DCC: variants seen among roughly 807,000 people sequenced by gnomAD.
DCC encodes DCC netrin 1 receptor.
DCC carries 58 observed loss-of-function variants against 172.5 expected under a neutral mutation model. That is an observed-to-expected ratio of 0.34 (90% confidence interval 0.27 to 0.42). DCC has a LOEUF of 0.42. DCC is among the 10% of genes least tolerant of loss of function. The pLI is 1.00. For synonymous variants in DCC, 709 were observed against 644.5 expected (o/e 1.10, Z -1.52); for missense variants, 1,740 against 1,791.0 (o/e 0.97, Z 0.51).
chr18:53,344,827 G>A (rs1386395043), intron 15 of DCC, among the ~76,000 whole-genome samples: 1 of 151,104 alleles, frequency 6.6e-6, no homozygotes, highest in Admixed American at 6.6e-5. Context: ...TGAGGTTGCA[G>A]TGAGCCAAGA....
chr18:53,237,787 T>C (rs2056228301), intron 12 of DCC, among the ~76,000 whole-genome samples: 1 of 152,158 alleles, frequency 6.6e-6, no homozygotes, highest in Non-Finnish European at 1.5e-5. Flanking sequence ...AAAAATAACA[T>C]TTATTTCATC....
intron 2 of DCC, among the ~76,000 whole-genome samples, chr18:52,790,740 A>G (rs1464843750): frequency 6.6e-6 from 1 of 152,078 alleles, no homozygotes; most frequent in Non-Finnish European, 1.5e-5. Context: ...TGCCTGTTAT[A>G]GGAGACATAT....
chr18:52,859,555 A>G (rs1658199436), intron 2 of DCC, among the ~76,000 whole-genome samples: 1 of 152,170 alleles, frequency 6.6e-6, no homozygotes, highest in African/African-American at 2.4e-5. Context: ...GGATAGCAAA[A>G]GGTCTTGTTT....
At chr18:52,662,477 T>C (rs2035377247) in intron 1 of DCC, among the ~76,000 whole-genome samples, 1 of 131,606 alleles carries the variant, frequency 7.6e-6, no homozygotes, top group Admixed American at 9.5e-5. Context: ...GAAAAATACA[T>C]CAGGGACACA....
In DCC at chr18:52,906,235, C is replaced by A. The variant is rs1447900221; in HGVS notation, c.604C>A (p.Leu202Ile). 2 of 1,613,936 alleles carry A rather than the reference C, an allele frequency of 1.2e-6. No homozygotes were observed. The highest frequency in any genetic ancestry group is 2.7e-5 in the African/African-American group (2 of 74,910). Residue 202 changes from leucine to isoleucine, a missense_variant, in exon 3 of 29, where the codon CTC (leucine) becomes ATC (isoleucine). Transcript: ENST00000442544. ...CTCTGGAGCATTGCAGATCAGCCGA[C>A]TCCAACCGGGGGACATTGGAATTTA... ...LPSGALQISR[L>I]QPGDIGIYRC...
At chr18:52,516,543 C>A (rs978763320) in intron 1 of DCC, among the ~76,000 whole-genome samples, 1 of 152,142 alleles carries the variant, frequency 6.6e-6, no homozygotes, top group African/African-American at 2.4e-5. Flanking sequence ...TTTCTTACAA[C>A]TGCATGTGAA....
At chr18:53,048,586 T>TAC (rs1241818209) in intron 5 of DCC, among the ~76,000 whole-genome samples, 2 of 150,794 alleles carry the variant, frequency 1.3e-5, no homozygotes, top group East Asian at 3.9e-4. Context: ...TGTATATATA[T>TAC]ACGTATATAC....
intron 7 of DCC, among the ~76,000 whole-genome samples, chr18:53,112,709 C>A (rs1339400746): frequency 4.6e-5 from 7 of 151,350 alleles, no homozygotes; most frequent in Admixed American, 3.3e-4. Context: ...ATTTTACTTC[C>A]CACCATAGAT....
intron 2 of DCC, among the ~76,000 whole-genome samples, chr18:52,881,065 G>A (rs955371153): frequency 6.6e-6 from 1 of 152,054 alleles, no homozygotes; most frequent in Non-Finnish European, 1.5e-5. Flanking sequence ...ACTGAGGAGA[G>A]ATGATATCTC....
At chr18:53,128,870 C>CATATATATATATAT (rs367907467) in intron 7 of DCC, among the ~76,000 whole-genome samples, 27 of 77,444 alleles carry the variant, frequency 3.5e-4, no homozygotes, top group East Asian at 1.6e-3. Flanking sequence ...CACACACACA[C>CATATATATATATAT]ATATATATAT....
At chr18:52,628,627 C>A (rs2034617279) in intron 1 of DCC, among the ~76,000 whole-genome samples, 1 of 152,178 alleles carries the variant, frequency 6.6e-6, no homozygotes, top group Admixed American at 6.6e-5. Context: ...TACCCACACC[C>A]CTACCTCCAA....
At chr18:53,221,119 G>T (rs1054767706) in intron 12 of DCC, among the ~76,000 whole-genome samples, 1 of 151,852 alleles carries the variant, frequency 6.6e-6, no homozygotes, top group African/African-American at 2.4e-5. Flanking sequence ...CTTTTTTATT[G>T]TGGTGAAACA....
chr18:53,066,210 A>G, intron 7 of DCC, 44 bp downstream of exon 7: 2 of 1,591,090 alleles, frequency 1.3e-6, no homozygotes, highest in Non-Finnish European at 8.6e-7. Context: ...AATGAAAATT[A>G]TTCATAGTCT....
chr18:53,248,578 G>A (rs190256964), intron 12 of DCC, among the ~76,000 whole-genome samples: 3 of 152,114 alleles, frequency 2.0e-5, no homozygotes, highest in African/African-American at 7.2e-5. Flanking sequence ...CTGGAAAATA[G>A]CGAAGAACGA....
At chr18:52,794,829 G>C (rs1047330732) in intron 2 of DCC, among the ~76,000 whole-genome samples, 22 of 151,846 alleles carry the variant, frequency 1.4e-4, no homozygotes, top group African/African-American at 4.6e-4. Flanking sequence ...TTATTGTTGA[G>C]AGTTTTTGTC....
At chr18:53,507,377 T>TAAAG (rs1223870144) in intron 27 of DCC, among the ~76,000 whole-genome samples, 1 of 152,194 alleles carries the variant, frequency 6.6e-6, no homozygotes, top group Admixed American at 6.5e-5. Flanking sequence ...AACCCATTTC[T>TAAAG]AAAGACATGA....
At chr18:53,322,230 A>G (rs1190604137) in intron 14 of DCC, 73 bp downstream of exon 14, 2 of 868,254 alleles carry the variant, frequency 2.3e-6, no homozygotes, top group Admixed American at 1.8e-5. Flanking sequence ...TCTCTTAAAA[A>G]AGGAATGAAC....
At chr18:53,438,498 A>G (rs547959198) in intron 22 of DCC, among the ~76,000 whole-genome samples, 1 of 152,328 alleles carries the variant, frequency 6.6e-6, no homozygotes, top group African/African-American at 2.4e-5. Flanking sequence ...TATAAAAGGG[A>G]TTGCCATCTC....
chr18:52,995,333 A>G (rs1386662657), intron 5 of DCC, among the ~76,000 whole-genome samples: 1 of 152,142 alleles, frequency 6.6e-6, no homozygotes, highest in Non-Finnish European at 1.5e-5. Context: ...CAAGAAGCAA[A>G]CTCGGATCTG....
Sources: allele counts gnomAD v4.1 joint callset (sites outside exome capture counted in the v4.1 genomes callset), GRCh38; gene constraint gnomAD v4.1.1; transcripts MANE v1.5; gene names NCBI Gene and HGNC (gene_info 2026-07-23, HGNC 2026-07-21).